Variants in TNPO3 observed in about 807,000 individuals in gnomAD.
TNPO3 encodes the protein transportin-3.
Under a neutral mutation model 122.8 loss-of-function variants are expected in TNPO3, and 65 were observed. The ratio of observed to expected loss-of-function variants is 0.53; its 90% CI spans 0.43 to 0.65. The LOEUF (loss-of-function observed/expected upper bound fraction) is 0.65. Ranked by LOEUF, TNPO3 falls within the 30% of genes least tolerant of loss-of-function variation. The pLI, the probability that TNPO3 is intolerant of heterozygous loss-of-function variation, is 0.00. For synonymous variants in TNPO3, 372 were observed against 411.2 expected (o/e 0.90, Z 1.15); for missense variants, 850 against 1,136.7 (o/e 0.75, Z 3.63).
chr7:129,004,979 T>C (rs1802409578), intron 5 of TNPO3, 37 bp downstream of exon 5: 2 of 1,582,746 alleles, frequency 1.3e-6, no homozygotes, highest in Non-Finnish European at 1.7e-6. Context: ...GAAAAGTGAT[T>C]GGCAGAAATA....
chr7:128,967,315 G>T lies in TNPO3; in HGVS notation c.2676C>A (p.His892Gln). The T allele has an allele frequency of 6.2e-7, 1 of 1,613,852 alleles. No homozygotes were observed. The highest frequency in any genetic ancestry group is 8.5e-7 in the Non-Finnish European group (1 of 1,179,728). The change falls in exon 21 of 23, where the codon CAC becomes CAA. Residue 892 changes from histidine to glutamine, a missense_variant. Physicochemically the swap from His to Gln is conservative, Grantham distance 24. Transcript: ENST00000265388. ...GCTTGTGGAAGTCTGTAAGTTGTTT[G>T]TGTGTCACTGTGACGGCTCCCACGG... The part of the protein sequence containing the change: ...ETTVGAVTVT[H>Q]KQLTDFHKQV...
intron 14 of TNPO3, among the ~76,000 whole-genome samples, chr7:128,981,680 T>G (rs1799639897): frequency 6.6e-6 from 1 of 152,112 alleles, no homozygotes; most frequent in African/African-American, 2.4e-5. Context: ...AAGTTTGGTC[T>G]TTTGGTCTCC....
At chr7:128,964,239 C>A (rs1173646737) in intron 21 of TNPO3, among the ~76,000 whole-genome samples, 1 of 151,790 alleles carries the variant, frequency 6.6e-6, no homozygotes. Flanking sequence ...AGATTCAATA[C>A]AATCCCCATC....
chr7:128,965,183 T>G (rs1417151595), intron 21 of TNPO3, among the ~76,000 whole-genome samples: 1 of 152,208 alleles, frequency 6.6e-6, no homozygotes, highest in Admixed American at 6.5e-5. Flanking sequence ...TTGCAAATCA[T>G]GTACCTGATA....
At chr7:128,961,186 T>G (rs1797418089) in intron 21 of TNPO3, among the ~76,000 whole-genome samples, 1 of 152,212 alleles carries the variant, frequency 6.6e-6, no homozygotes, top group Admixed American at 6.5e-5. Context: ...CACTCACCAC[T>G]CACTCACTGA....
intron 4 of TNPO3, 71 bp downstream of exon 4, chr7:129,014,908 C>A: frequency 1.4e-6 from 2 of 1,449,264 alleles, no homozygotes; most frequent in Non-Finnish European, 9.2e-7. Flanking sequence ...CACAATAATG[C>A]AATTGATTAC....
intron 22 of TNPO3, among the ~76,000 whole-genome samples, chr7:128,956,044 CAGTA>C (rs1352262891): frequency 6.6e-6 from 1 of 152,154 alleles, no homozygotes; most frequent in Non-Finnish European, 1.5e-5. Context: ...CCCTGACACA[CAGTA>C]AGGGCACAAT....
chr7:128,967,045 C>A (rs1797990736), intron 21 of TNPO3, among the ~76,000 whole-genome samples: 1 of 152,182 alleles, frequency 6.6e-6, no homozygotes, highest in South Asian at 2.1e-4. Context: ...TTGGGAGAAA[C>A]AGTGCCTCCA....
rs1173535423 is a variant in TNPO3 at position 128,970,133 on chromosome 7, T to C, written c.2598+15A>G. On this transcript the variant is annotated intron_variant, in intron 20 of 22. Transcript: ENST00000265388. ...TAGGGACTATGAGATAAATTCCTCATGAAAACAATCTTACCGGTCTGTCAA... is the reference window on the plus strand; with the variant it reads ...TAGGGACTATGAGATAAATTCCTCACGAAAACAATCTTACCGGTCTGTCAA... 18 of 1,613,844 alleles carry C rather than the reference T, an allele frequency of 1.1e-5. No homozygotes were observed. Among genetic ancestry groups the C allele is most frequent in the African/African-American group, 4.0e-5 (3 of 74,912 alleles).
intron 18 of TNPO3, among the ~76,000 whole-genome samples, chr7:128,973,757 A>G (rs1412057159): frequency 2.7e-5 from 4 of 145,930 alleles, no homozygotes; most frequent in African/African-American, 1.0e-4. Context: ...AAAAAAAAAA[A>G]AAAAAGAAAA....
At chr7:129,042,420 T>G (rs1227742227) in intron 1 of TNPO3, among the ~76,000 whole-genome samples, 1 of 152,108 alleles carries the variant, frequency 6.6e-6, no homozygotes, top group Non-Finnish European at 1.5e-5. Flanking sequence ...AAACAATATT[T>G]TAGATATATG....
At chr7:128,986,286 T>C (rs1389925355) in intron 12 of TNPO3, among the ~76,000 whole-genome samples, 1 of 152,220 alleles carries the variant, frequency 6.6e-6, no homozygotes, top group Non-Finnish European at 1.5e-5. Context: ...AATCACTCAG[T>C]ATAAGCTGAT....
chr7:128,994,433 G>A (rs1016198845), intron 8 of TNPO3, among the ~76,000 whole-genome samples: 6 of 151,948 alleles, frequency 3.9e-5, no homozygotes, highest in Admixed American at 6.6e-5. Context: ...GTTAGCCACC[G>A]TGAGCCGGCA....
intron 1 of TNPO3, among the ~76,000 whole-genome samples, chr7:129,024,024 A>G (rs1030346426): frequency 6.6e-6 from 1 of 152,220 alleles, no homozygotes; most frequent in African/African-American, 2.4e-5. Context: ...CTAATCCTAC[A>G]CTGAAAGGTA....
chr7:129,055,895 G>T, upstream of TNPO3: 1 of 607,890 alleles, frequency 1.6e-6, no homozygotes, highest in South Asian at 2.0e-5. Flanking sequence ...TTTGATAAAT[G>T]ATCACAATGT....
Position 129,001,048 on chromosome 7 carries a change from C to T in TNPO3, c.872+11G>A, listed in dbSNP as rs1414638273. 2.5e-6 allele frequency: 4 copies of T among 1,612,748 alleles called. No homozygotes were observed. Among genetic ancestry groups the T allele is most frequent in the Non-Finnish European group, 3.4e-6 (4 of 1,178,802 alleles). On this transcript the variant is annotated intron_variant, in intron 6 of 22. Coordinates refer to ENST00000265388, the MANE Select transcript of TNPO3 (RefSeq NM_012470.4). ...GTAAACCCAGGGCTCCAGACTTAAA[C>T]AATTACTCACTTGTCTAAATCTTCA...
chr7:128,969,039 C>T (rs1194372404), intron 20 of TNPO3, among the ~76,000 whole-genome samples: 1 of 152,134 alleles, frequency 6.6e-6, no homozygotes, highest in Non-Finnish European at 1.5e-5. Context: ...ATACAGTACA[C>T]TCCTTAGAGT....
At chr7:129,056,186 A>G, upstream of TNPO3, 1 of 874,626 alleles carries the variant, frequency 1.1e-6, no homozygotes. Context: ...GGCAGAAGCT[A>G]GCTCCCAAGA....
intron 18 of TNPO3, among the ~76,000 whole-genome samples, chr7:128,973,873 A>C (rs1338923620): frequency 6.6e-6 from 1 of 150,842 alleles, no homozygotes; most frequent in Non-Finnish European, 1.5e-5. Context: ...ACAAAAAAAA[A>C]GGGTTCAATA....
Sources: gnomAD v4.1 joint callset for allele counts (sites outside exome capture counted in the v4.1 genomes callset) on GRCh38, gnomAD v4.1.1 for gene constraint, MANE v1.5 for transcripts, NCBI Gene and HGNC (gene_info 2026-07-23, HGNC 2026-07-21) for gene names.